NYAP2: variants seen among roughly 807,000 people sequenced by gnomAD.
NYAP2 encodes the protein neuronal tyrosine-phosphorylated phosphoinositide-3-kinase adaptor 2.
In NYAP2, 23 loss-of-function variants were observed where a neutral mutation model predicts 50.4. The observed-to-expected ratio is 0.46, with a 90% CI of 0.33 to 0.65. The LOEUF (loss-of-function observed/expected upper bound fraction) is 0.65. Among genes scored for constraint, NYAP2 ranks in the 30% least tolerant of loss-of-function variants. NYAP2 has a pLI of 0.02. For synonymous variants in NYAP2, 394 were observed against 365.2 expected, an observed-to-expected ratio of 1.08 and a Z score of -0.90; for missense variants, 885 against 861.0, an observed-to-expected ratio of 1.03 and a Z score of -0.35.
chr2:225,663,219 T>C, the NYAP2 span, among the ~76,000 whole-genome samples: 3 of 151,758 alleles, frequency 2.0e-5, no homozygotes, highest in Admixed American at 6.5e-5. Flanking sequence ...GTGCTTTTTT[T>C]CTCTTGAATC....
intron 5 of NYAP2, among the ~76,000 whole-genome samples, chr2:225,624,178 C>T (rs1449651421): frequency 6.6e-6 from 1 of 152,260 alleles, no homozygotes; most frequent in African/African-American, 2.4e-5. Flanking sequence ...GATCTCTGAG[C>T]CTTTACTTGT....
Position 225,650,531 on chromosome 2 carries a change from G to T in NYAP2, c.1829-901G>T, listed in dbSNP as rs576563926. Among the ~76,000 whole-genome samples, 5 of 152,320 alleles carry T rather than the reference G, an allele frequency of 3.3e-5. No homozygotes were observed. In the East Asian group the frequency reaches 9.6e-4, roughly 29 times the overall value. On this transcript the variant is annotated intron_variant, in intron 6 of 6. Coordinates refer to ENST00000636099, the Ensembl canonical transcript of NYAP2. ...AGAACCTTAGGTTTCTAATTTGTAA[G>T]TTGAGGATATTGATAGCTAACTCCG...
chr2:225,511,373 C>G (rs3997536), intron 3 of NYAP2, among the ~76,000 whole-genome samples: 30,448 of 116,926 alleles, frequency 0.26, 3,868 homozygotes, highest in South Asian at 0.47. Flanking sequence ...CACACACACA[C>G]AGAGAGAGAG....
rs557280914 is a variant in NYAP2, at chr2:225,497,796, T to C, written c.222-15575T>C. Among the ~76,000 whole-genome samples the C allele has an allele frequency of 2.6e-5, 4 of 152,310 alleles. No homozygotes were observed. In the East Asian group the frequency reaches 7.7e-4, roughly 29 times the overall value. On this transcript the variant is annotated intron_variant, in intron 3 of 6. Coordinates refer to ENST00000636099, the Ensembl canonical transcript of NYAP2. Reference sequence around the variant, plus strand: ...TACATGCATGTGTGTGTGTGATCTATAGTGTCTTTTTCTATAGACACACAG... The same window carrying C: ...TACATGCATGTGTGTGTGTGATCTACAGTGTCTTTTTCTATAGACACACAG...
At chr2:225,565,227 C>T (rs1691941775) in intron 4 of NYAP2, among the ~76,000 whole-genome samples, 1 of 152,046 alleles carries the variant, frequency 6.6e-6, no homozygotes, top group East Asian at 1.9e-4. Context: ...TTTTTAGTTG[C>T]ACCTTCAATT....
chr2:225,634,851 A>G (rs558083163), intron 6 of NYAP2, among the ~76,000 whole-genome samples: 51 of 152,330 alleles, frequency 3.3e-4, no homozygotes, highest in Admixed American at 1.7e-3. Context: ...CAAAGGCTCA[A>G]AAGTGGAGAC....
intron 4 of NYAP2, among the ~76,000 whole-genome samples, chr2:225,558,171 A>G (rs1370852143): frequency 6.6e-6 from 1 of 152,198 alleles, no homozygotes; most frequent in African/African-American, 2.4e-5. Flanking sequence ...CATGGATGTA[A>G]TAAAGTGAGT....
At position 225,406,751 on chromosome 2, in the gene NYAP2, A is replaced by C. The variant is rs566669496; in HGVS notation, c.-17-2113A>C. On this transcript the variant is annotated intron_variant, in intron 2 of 6. Transcript: ENST00000636099. ...CATCTTTCTATAGTGTAAATACTTT[A>C]TAATATTATTAGTTAATAATTTCTC... Among the ~76,000 whole-genome samples the C allele has an allele frequency of 2.6e-5, 4 of 152,104 alleles. No homozygotes were observed. The East Asian group carries it at 7.7e-4, about 29-fold the overall frequency.
At chr2:225,482,356 T>G (rs1690220716) in intron 3 of NYAP2, among the ~76,000 whole-genome samples, 1 of 152,152 alleles carries the variant, frequency 6.6e-6, no homozygotes, top group Admixed American at 6.5e-5. Context: ...GAATGGTGCC[T>G]GTTAGAGTAG....
chr2:225,462,940 CT>C (rs1689857102), intron 3 of NYAP2, among the ~76,000 whole-genome samples: 1 of 152,188 alleles, frequency 6.6e-6, no homozygotes, highest in African/African-American at 2.4e-5. Flanking sequence ...TGTCTATGTA[CT>C]AATGATCTGT....
chr2:225,461,948 G>A (rs532650211), intron 3 of NYAP2, among the ~76,000 whole-genome samples: 13 of 151,976 alleles, frequency 8.6e-5, no homozygotes, highest in South Asian at 2.1e-4. Flanking sequence ...CACAGATTGC[G>A]GTATAATTGA....
intron 4 of NYAP2, among the ~76,000 whole-genome samples, chr2:225,578,375 G>C (rs539009617): frequency 2.6e-5 from 4 of 152,274 alleles, no homozygotes; most frequent in Non-Finnish European, 4.4e-5. Context: ...TAGATAAAGA[G>C]GGATTCCCTG....
At chr2:225,430,471 A>G (rs1410537732) in intron 3 of NYAP2, among the ~76,000 whole-genome samples, 1 of 152,248 alleles carries the variant, frequency 6.6e-6, no homozygotes. Context: ...CATGTATCAG[A>G]TATTCAATTT....
At chr2:225,433,672 T>C (rs1355950315) in intron 3 of NYAP2, among the ~76,000 whole-genome samples, 1 of 151,298 alleles carries the variant, frequency 6.6e-6, no homozygotes, top group East Asian at 1.9e-4. Context: ...AAAAAATTAG[T>C]TGGGCGTGAT....
chr2:225,424,733 G>A (rs187762537), intron 3 of NYAP2, among the ~76,000 whole-genome samples: 33 of 151,652 alleles, frequency 2.2e-4, no homozygotes, highest in East Asian at 1.9e-4. Context: ...CATTGACTTA[G>A]TTCTCATAAA....
intron 4 of NYAP2, among the ~76,000 whole-genome samples, chr2:225,543,345 A>C (rs1005171020): frequency 2.0e-5 from 3 of 151,610 alleles, no homozygotes; most frequent in Non-Finnish European, 4.4e-5. Context: ...ACACATCTTT[A>C]GGTAATTTAT....
chr2:225,520,034 AT>A (rs1691018985), intron 4 of NYAP2, among the ~76,000 whole-genome samples: 1 of 152,006 alleles, frequency 6.6e-6, no homozygotes, highest in African/African-American at 2.4e-5. Flanking sequence ...GATGGTGAGC[AT>A]TTTTTCATGT....
intron 3 of NYAP2, among the ~76,000 whole-genome samples, chr2:225,477,231 CT>C (rs11378712): frequency 5.7e-5 from 5 of 87,468 alleles, no homozygotes; most frequent in Admixed American, 1.7e-4. Flanking sequence ...GTCTCTATTT[CT>C]TTTTTTTTTT....
At chr2:225,636,532 C>A (rs1204034217) in intron 6 of NYAP2, among the ~76,000 whole-genome samples, 1 of 150,140 alleles carries the variant, frequency 6.7e-6, no homozygotes, top group Non-Finnish European at 1.5e-5. Flanking sequence ...TTTTAGGGTA[C>A]ATTACTGGGT....
Sources: gnomAD v4.1 joint callset for allele counts (sites outside exome capture counted in the v4.1 genomes callset) on GRCh38, gnomAD v4.1.1 for gene constraint, MANE v1.5 for transcripts, NCBI Gene and HGNC (gene_info 2026-07-23, HGNC 2026-07-21) for gene names.